Variants in ZNF568 observed in about 807,000 individuals in gnomAD.
ZNF568 encodes zinc finger protein 568.
ZNF568 carries 11 observed loss-of-function variants against 18.1 expected under a neutral mutation model. The ratio of observed to expected loss-of-function variants is 0.61; its 90% confidence interval spans 0.38 to 1.00. The LOEUF is 1.00. Among genes scored for constraint, ZNF568 ranks in the 50% least tolerant of loss-of-function variants. The probability of loss-of-function intolerance (pLI) is 0.01; values close to 1 mark genes in which losing one functional copy is unlikely to be tolerated. For missense variants in ZNF568, 639 were observed against 768.2 expected (o/e 0.83, Z 1.99); for synonymous variants, 213 against 246.6 (o/e 0.86, Z 1.28).
intron 3 of ZNF568, 99 bp from the exon 4 acceptor site, chr19:36,925,101 T>A: frequency 1.0e-6 from 1 of 977,032 alleles, no homozygotes; most frequent in Non-Finnish European, 1.6e-6. Context: ...TCAAGGATCA[T>A]TCATCTGTAG....
At chr19:36,923,749 G>A (rs976217001) in intron 3 of ZNF568, among the ~76,000 whole-genome samples, 2 of 151,666 alleles carry the variant, frequency 1.3e-5, no homozygotes, top group African/African-American at 4.8e-5. Flanking sequence ...TCTTACATTC[G>A]GTTTTATGTT....
At chr19:36,990,219 G>T (rs183942331) in intron 2 of ZNF568, among the ~76,000 whole-genome samples, 46 of 152,332 alleles carry the variant, frequency 3.0e-4, no homozygotes, top group Non-Finnish European at 4.4e-5. Context: ...TGACATCGTT[G>T]TGAGTCTGGA....
At chr19:36,961,578 G>A (rs2074150435) in intron 6 of ZNF568, among the ~76,000 whole-genome samples, 1 of 151,618 alleles carries the variant, frequency 6.6e-6, no homozygotes, top group Non-Finnish European at 1.5e-5. Flanking sequence ...CCAGGCTGGA[G>A]TGCAATGGCG....
At chr19:36,963,510 T>G (rs2074170755) in intron 6 of ZNF568, among the ~76,000 whole-genome samples, 1 of 152,190 alleles carries the variant, frequency 6.6e-6, no homozygotes, top group Non-Finnish European at 1.5e-5. Flanking sequence ...CAGCTGCTGT[T>G]TCTCCTGTAA....
At chr19:36,972,888 G>A (rs1275075016) in intron 6 of ZNF568, among the ~76,000 whole-genome samples, 4 of 152,200 alleles carry the variant, frequency 2.6e-5, no homozygotes, top group Non-Finnish European at 4.4e-5. Flanking sequence ...AGCCCTGGCG[G>A]CGGGCCCGGC....
chr19:36,949,190 C>T (rs1356029896), intron 6 of ZNF568, among the ~76,000 whole-genome samples: 1 of 152,134 alleles, frequency 6.6e-6, no homozygotes, highest in African/African-American at 2.4e-5. Flanking sequence ...CCGTTTGACT[C>T]CCTATCAGTC....
chr19:36,933,916 G>GTTTTTTTTTTTTTTTTTTT (rs1243440418), intron 4 of ZNF568, among the ~76,000 whole-genome samples: 1 of 20,718 alleles, frequency 4.8e-5, no homozygotes, highest in African/African-American at 3.2e-4. Context: ...TTTTTGTTTT[G>GTTTTTTTTTTTTTTTTTTT]TTTTTTTGTT....
intron 4 of ZNF568, chr19:36,991,865 G>A: frequency 6.5e-7 from 1 of 1,547,032 alleles, no homozygotes; most frequent in Non-Finnish European, 8.7e-7. Context: ...CGATGAACTG[G>A]AATGGGGAGG....
At chr19:36,945,299 T>G (rs2073946710) in intron 6 of ZNF568, among the ~76,000 whole-genome samples, 1 of 150,664 alleles carries the variant, frequency 6.6e-6, no homozygotes, top group Non-Finnish European at 1.5e-5. Flanking sequence ...CAACATGGGT[T>G]TAAACTGCAC....
At chr19:36,987,255 C>T (rs1449201) in intron 2 of ZNF568, among the ~76,000 whole-genome samples, 81,112 of 151,912 alleles carry the variant, frequency 0.53, 22,183 homozygotes, top group African/African-American at 0.62. Flanking sequence ...ATGTACTGGC[C>T]GTGAGGATTC....
At chr19:36,972,412 C>A (rs543795864) in intron 6 of ZNF568, among the ~76,000 whole-genome samples, 1 of 152,270 alleles carries the variant, frequency 6.6e-6, no homozygotes, top group East Asian at 1.9e-4. Flanking sequence ...TATCCCTCAT[C>A]CTTCTCCAGT....
In ZNF568 at chr19:36,950,331, A is replaced by T; in HGVS notation, c.1178A>T (p.Asn393Ile). The T allele has an allele frequency of 1.2e-6, 2 of 1,613,880 alleles. No individual in the cohort carries two copies. Among genetic ancestry groups the T allele is most frequent in the Non-Finnish European group, 1.7e-6 (2 of 1,179,828 alleles). ...SHTGEKPYKCNKCGKAFSQCS... is the reference protein window; with the variant it reads ...SHTGEKPYKCIKCGKAFSQCS... ...ACAGGGGAGAAACCCTATAAATGTA[A>T]TAAATGTGGAAAAGCTTTCTCTCAA... The change falls in exon 7 of 7, where the codon AAT becomes ATT. Residue 393 changes from asparagine to isoleucine, a missense_variant. By Grantham distance (149) the Asn-to-Ile change is moderately radical (BLOSUM62 -3). Coordinates refer to ENST00000333987, the MANE Select transcript of ZNF568 (RefSeq NM_198539.4).
chr19:36,946,172 G>C (rs879465096), intron 6 of ZNF568, among the ~76,000 whole-genome samples: 3 of 152,052 alleles, frequency 2.0e-5, no homozygotes, highest in Non-Finnish European at 4.4e-5. Context: ...GCAGGAATTG[G>C]TGTTTCAGGG....
At chr19:36,979,456 G>A (rs765527677) in exon 8 of ZNF568, 3 of 152,162 alleles carry the variant, frequency 2.0e-5, no homozygotes, top group Non-Finnish European at 4.4e-5. Flanking sequence ...AGAGGTATCT[G>A]TTATTCCGAA....
At chr19:36,949,448 T>C in intron 6 of ZNF568, 64 bp from the exon 7 acceptor site, 2 of 1,459,004 alleles carry the variant, frequency 1.4e-6, no homozygotes, top group Non-Finnish European at 1.8e-6. Flanking sequence ...CTATTTCTGA[T>C]ATGTTATTAA....
intron 2 of ZNF568, among the ~76,000 whole-genome samples, chr19:36,918,889 T>G (rs1407106675): frequency 6.6e-6 from 1 of 152,196 alleles, no homozygotes; most frequent in African/African-American, 2.4e-5. Flanking sequence ...CATATGTTGT[T>G]TGTGCTTTTG....
intron 2 of ZNF568, among the ~76,000 whole-genome samples, chr19:36,985,261 TCTA>T (rs2074366000): frequency 6.6e-6 from 1 of 152,218 alleles, no homozygotes; most frequent in South Asian, 2.1e-4. Flanking sequence ...TTTTTTGAAA[TCTA>T]CTGTCATCTT....
chr19:36,950,279 T>A lies in ZNF568; in HGVS notation c.1126T>A (p.Ser376Thr), dbSNP rs1342840714. Residue 376 changes from serine (S) to threonine (T), a missense_variant, in exon 7 of 7, where the codon TCT (serine) becomes ACT (threonine). Transcript: ENST00000333987. ...ECGRAFSRMS[S>T]VTLHMRSHTG... ...TGGTAGAGCTTTTTCTCGAATGTCA[T>A]CTGTTACGCTACATATGAGAAGTCA... The A allele has an allele frequency of 6.2e-7, 1 of 1,613,860 alleles. No homozygotes were observed. Among genetic ancestry groups the A allele is most frequent in the Non-Finnish European group, 8.5e-7 (1 of 1,179,980 alleles).
intron 6 of ZNF568, among the ~76,000 whole-genome samples, chr19:36,938,850 C>T (rs2073832373): frequency 6.6e-6 from 1 of 152,088 alleles, no homozygotes; most frequent in Non-Finnish European, 1.5e-5. Flanking sequence ...GAGGCTATGC[C>T]TTGGAATTGA....
Sources: gnomAD v4.1 joint callset for allele counts (sites outside exome capture counted in the v4.1 genomes callset) on GRCh38, gnomAD v4.1.1 for gene constraint, MANE v1.5 for transcripts, NCBI Gene and HGNC (gene_info 2026-07-23, HGNC 2026-07-21) for gene names.